CADM2: variants seen among roughly 807,000 people sequenced by gnomAD.
The protein encoded by CADM2 is immunoglobulin superfamily member 4D.
Under a neutral mutation model 49.8 loss-of-function variants are expected in CADM2, and 12 were observed. That is an observed-to-expected ratio of 0.24 (90% CI 0.15 to 0.39). CADM2 has a LOEUF of 0.39. Ranked by LOEUF, CADM2 falls within the 10% of genes least tolerant of loss-of-function variation. CADM2 has a pLI of 1.00. For missense variants in CADM2, 378 were observed against 492.3 expected (o/e 0.77, Z 2.20); for synonymous variants, 214 against 175.4 (o/e 1.22, Z -1.74).
At chr3:85,581,826 CA>C (rs113694206) in intron 1 of CADM2, among the ~76,000 whole-genome samples, 290 of 132,664 alleles carry the variant, frequency 2.2e-3, no homozygotes, top group Middle Eastern at 7.6e-3. Flanking sequence ...ATTTATACTT[CA>C]AAAAAAAAAA....
At chr3:85,087,628 C>T (rs1017400690) in intron 1 of CADM2, among the ~76,000 whole-genome samples, 5 of 152,074 alleles carry the variant, frequency 3.3e-5, no homozygotes, top group African/African-American at 1.2e-4. Flanking sequence ...TACTCTTAGC[C>T]ATAGCTAATT....
chr3:85,634,216 G>T (rs1437218794), intron 1 of CADM2, among the ~76,000 whole-genome samples: 1 of 152,038 alleles, frequency 6.6e-6, no homozygotes, highest in Non-Finnish European at 1.5e-5. Context: ...TTAAACATAT[G>T]CTACTACTCT....
chr3:85,885,442 G>A (rs1713464156), intron 4 of CADM2, among the ~76,000 whole-genome samples: 1 of 151,828 alleles, frequency 6.6e-6, no homozygotes, highest in Non-Finnish European at 1.5e-5. Flanking sequence ...GGAGGCTGAA[G>A]TGGGCAGATC....
intron 1 of CADM2, among the ~76,000 whole-genome samples, chr3:85,121,269 T>C (rs2038854008): frequency 6.6e-6 from 1 of 152,228 alleles, no homozygotes; most frequent in Non-Finnish European, 1.5e-5. Flanking sequence ...TAACTTTGGT[T>C]ATATGCTGCC....
intron 1 of CADM2, among the ~76,000 whole-genome samples, chr3:85,104,679 A>G (rs919982452): frequency 6.6e-6 from 1 of 152,188 alleles, no homozygotes; most frequent in African/African-American, 2.4e-5. Flanking sequence ...CATTTTCATG[A>G]CATTGATTCT....
chr3:85,652,772 C>CTTTTTTTTTTTTCTTTTTTTT (rs2065084939), intron 1 of CADM2, among the ~76,000 whole-genome samples: 1 of 50,782 alleles, frequency 2.0e-5, no homozygotes, highest in African/African-American at 7.8e-5. Context: ...TTTTTCTTTT[C>CTTTTTTTTTTTTCTTTTTTTT]TTTTTTTTTT....
chr3:86,058,545 CAG>C (rs1738258697), intron 8 of CADM2, among the ~76,000 whole-genome samples: 1 of 151,964 alleles, frequency 6.6e-6, no homozygotes, highest in African/African-American at 2.4e-5. Flanking sequence ...TTTGTAAATC[CAG>C]AGTTTGTAAG....
intron 3 of CADM2, among the ~76,000 whole-genome samples, chr3:85,877,684 GTT>G (rs368101272): frequency 4.5e-5 from 5 of 111,988 alleles, no homozygotes; most frequent in East Asian, 2.7e-4. Context: ...TTTTTCTTCT[GTT>G]TTTTTTTTTT....
intron 1 of CADM2, among the ~76,000 whole-genome samples, chr3:85,363,739 A>G (rs1576421749): frequency 1.3e-5 from 2 of 152,052 alleles, no homozygotes; most frequent in African/African-American, 4.8e-5. Flanking sequence ...AGCCTCCCGA[A>G]TAGCTGGGAC....
intron 8 of CADM2, chr3:86,012,591 A>G: frequency 6.4e-7 from 1 of 1,571,638 alleles, no homozygotes; most frequent in Non-Finnish European, 8.6e-7. Context: ...CCCCAACTGC[A>G]CGCGAAGCGC....
chr3:85,901,943 G>A (rs1406118317), intron 5 of CADM2, among the ~76,000 whole-genome samples: 1 of 152,090 alleles, frequency 6.6e-6, no homozygotes, highest in Non-Finnish European at 1.5e-5. Flanking sequence ...CATCTGTGTT[G>A]TAGCATATAT....
intron 1 of CADM2, among the ~76,000 whole-genome samples, chr3:85,413,469 A>C (rs1363061969): frequency 6.6e-6 from 1 of 152,072 alleles, no homozygotes; most frequent in Non-Finnish European, 1.5e-5. Context: ...AAACTGGGTA[A>C]TCTATAAGAA....
chr3:85,491,009 C>A (rs574177762), intron 1 of CADM2, among the ~76,000 whole-genome samples: 32 of 152,244 alleles, frequency 2.1e-4, no homozygotes, highest in African/African-American at 7.2e-4. Flanking sequence ...TTTTTACTTG[C>A]TCTGAATTTT....
chr3:85,144,620 A>AAAAAGAAAGAAAG (rs373935603), intron 1 of CADM2, among the ~76,000 whole-genome samples: 4,079 of 136,330 alleles, frequency 0.03, 251 homozygotes, highest in African/African-American at 0.11. Flanking sequence ...TCAAAAAAAA[A>AAAAAGAAAGAAAG]AAAGAAAGAA....
At chr3:85,033,941 G>C (rs539681727) in intron 1 of CADM2, among the ~76,000 whole-genome samples, 1 of 152,148 alleles carries the variant, frequency 6.6e-6, no homozygotes, top group East Asian at 1.9e-4. Flanking sequence ...GCTAATATTG[G>C]TATTTCCAAT....
At chr3:85,342,440 C>T (rs1205135203) in intron 1 of CADM2, among the ~76,000 whole-genome samples, 1 of 151,774 alleles carries the variant, frequency 6.6e-6, no homozygotes, top group Non-Finnish European at 1.5e-5. Flanking sequence ...TACATAATTT[C>T]AATTTATTAT....
intron 1 of CADM2, among the ~76,000 whole-genome samples, chr3:85,277,545 A>T (rs1428686077): frequency 6.6e-6 from 1 of 151,456 alleles, no homozygotes; most frequent in South Asian, 2.1e-4. Context: ...CAGATTTTGC[A>T]TCATCCTGAA....
At chr3:84,983,500 G>C (rs1490950824) in intron 1 of CADM2, among the ~76,000 whole-genome samples, 1 of 152,014 alleles carries the variant, frequency 6.6e-6, no homozygotes, top group Non-Finnish European at 1.5e-5. Flanking sequence ...TTTTAAGAGA[G>C]TGCTGATGAA....
intron 1 of CADM2, among the ~76,000 whole-genome samples, chr3:85,422,403 G>A (rs1219614767): frequency 6.6e-6 from 1 of 151,864 alleles, no homozygotes; most frequent in Non-Finnish European, 1.5e-5. Flanking sequence ...TCAGCTTCCC[G>A]AGTAGCTGGG....
Sources: allele counts gnomAD v4.1 joint callset (sites outside exome capture counted in the v4.1 genomes callset), GRCh38; gene constraint gnomAD v4.1.1; transcripts MANE v1.5; gene names NCBI Gene and HGNC (gene_info 2026-07-23, HGNC 2026-07-21).